The following LRMDA variants were observed in gnomAD, a reference collection of about 807,000 sequenced individuals.
LRMDA encodes leucine rich melanocyte differentiation associated, also known as leucine-rich melanocyte differentiation-associated protein.
A neutral mutation model predicts 29.8 loss-of-function variants in LRMDA; 18 were observed. That is an observed-to-expected ratio of 0.60 (90% CI 0.42 to 0.90). The LOEUF is 0.90. Among genes scored for constraint, LRMDA ranks in the 40% least tolerant of loss-of-function variants. The pLI, the probability that LRMDA is intolerant of heterozygous loss-of-function variation, is 0.00. For missense variants in LRMDA, 273 were observed against 273.9 expected (o/e 1.00, Z 0.02); for synonymous variants, 125 against 109.4 (o/e 1.14, Z -0.89).
At chr10:75,557,384 A>G (rs1840228499) in intron 2 of LRMDA, among the ~76,000 whole-genome samples, 1 of 152,044 alleles carries the variant, frequency 6.6e-6, no homozygotes, top group Non-Finnish European at 1.5e-5. Flanking sequence ...CTAAATATTA[A>G]TGGACTAAAC....
chr10:75,911,858 T>G (rs1202006543), intron 2 of LRMDA, among the ~76,000 whole-genome samples: 1 of 152,194 alleles, frequency 6.6e-6, no homozygotes. Flanking sequence ...AATAAGTCCA[T>G]GCTGTCTTCA....
intron 5 of LRMDA, among the ~76,000 whole-genome samples, chr10:76,168,317 A>T (rs139256815): frequency 1.3e-5 from 2 of 152,328 alleles, no homozygotes; most frequent in East Asian, 3.9e-4. Context: ...CCTTAGTGGA[A>T]GCCCATCTCA....
At chr10:75,492,427 A>G (rs2132061840) in intron 2 of LRMDA, among the ~76,000 whole-genome samples, 1 of 152,326 alleles carries the variant, frequency 6.6e-6, no homozygotes, top group East Asian at 1.9e-4. Flanking sequence ...CAGTATGTTA[A>G]ATGAAGTTTT....
intron 5 of LRMDA, among the ~76,000 whole-genome samples, chr10:76,108,070 A>C (rs1849517060): frequency 6.6e-6 from 1 of 152,222 alleles, no homozygotes; most frequent in Non-Finnish European, 1.5e-5. Flanking sequence ...AAATTAGGGA[A>C]GTAAGAAATT....
chr10:76,016,878 T>G (rs1455445772), intron 2 of LRMDA, among the ~76,000 whole-genome samples: 1 of 152,204 alleles, frequency 6.6e-6, no homozygotes, highest in Non-Finnish European at 1.5e-5. Flanking sequence ...CTGCTTGGGA[T>G]GTTGCCTCCT....
chr10:76,436,469 A>G (rs1842245844), intron 6 of LRMDA, among the ~76,000 whole-genome samples: 1 of 152,164 alleles, frequency 6.6e-6, no homozygotes, highest in African/African-American at 2.4e-5. Flanking sequence ...CAGGCTGTTC[A>G]TGCTGTTGCC....
intron 2 of LRMDA, among the ~76,000 whole-genome samples, chr10:75,747,315 A>G (rs1842901463): frequency 6.6e-6 from 1 of 152,218 alleles, no homozygotes; most frequent in South Asian, 2.1e-4. Context: ...GTCTTCTAAA[A>G]TAAAATACAG....
chr10:76,166,052 C>T (rs951283109), intron 5 of LRMDA, among the ~76,000 whole-genome samples: 4 of 152,090 alleles, frequency 2.6e-5, no homozygotes, highest in African/African-American at 7.2e-5. Context: ...GCATTTGTAG[C>T]GGTTAGGCAG....
intron 6 of LRMDA, among the ~76,000 whole-genome samples, chr10:76,429,770 A>G (rs61866893): frequency 0.25 from 37,983 of 152,158 alleles, 5,975 homozygotes; most frequent in Non-Finnish European, 0.36. Flanking sequence ...TAGATCAGCC[A>G]TGGGGGCCTG....
chr10:76,078,447 A>T (rs1848996793), intron 5 of LRMDA, among the ~76,000 whole-genome samples: 1 of 152,158 alleles, frequency 6.6e-6, no homozygotes, highest in Non-Finnish European at 1.5e-5. Context: ...AAGGAGGAGA[A>T]CCAAGATGAG....
chr10:75,576,505 C>A (rs1354398045), intron 2 of LRMDA, among the ~76,000 whole-genome samples: 2 of 152,248 alleles, frequency 1.3e-5, no homozygotes, highest in Non-Finnish European at 2.9e-5. Context: ...TCTCCCAGCA[C>A]AGCGTTGGAG....
intron 6 of LRMDA, among the ~76,000 whole-genome samples, chr10:76,390,655 G>A (rs1314311718): frequency 6.6e-6 from 1 of 152,058 alleles, no homozygotes; most frequent in East Asian, 1.9e-4. Context: ...TCCCATCCAG[G>A]TCTTCAAAAT....
chr10:76,301,988 C>A (rs1199794417), intron 5 of LRMDA, among the ~76,000 whole-genome samples: 1 of 152,180 alleles, frequency 6.6e-6, no homozygotes, highest in African/African-American at 2.4e-5. Flanking sequence ...TTAAAATGTT[C>A]ATGGCCTCCC....
chr10:76,137,909 G>A (rs771473272), intron 5 of LRMDA, among the ~76,000 whole-genome samples: 17 of 152,102 alleles, frequency 1.1e-4, no homozygotes, highest in Non-Finnish European at 2.2e-4. Flanking sequence ...GTTGGCTGGG[G>A]GGACTGTGAT....
intron 5 of LRMDA, among the ~76,000 whole-genome samples, chr10:76,274,804 C>T (rs1032021294): frequency 2.6e-5 from 4 of 152,174 alleles, no homozygotes; most frequent in Non-Finnish European, 5.9e-5. Context: ...CACAGGATCA[C>T]TCACTGCTTT....
At chr10:76,519,246 T>C (rs967464958) in intron 6 of LRMDA, among the ~76,000 whole-genome samples, 3 of 151,926 alleles carry the variant, frequency 2.0e-5, no homozygotes, top group Non-Finnish European at 4.4e-5. Context: ...AAATTAAAAA[T>C]CCCTAGAGTT....
At chr10:75,897,997 T>G (rs1419823390) in intron 2 of LRMDA, among the ~76,000 whole-genome samples, 4 of 152,000 alleles carry the variant, frequency 2.6e-5, no homozygotes, top group Non-Finnish European at 4.4e-5. Context: ...AATTTTTTTT[T>G]GTATTTTTAG....
intron 5 of LRMDA, among the ~76,000 whole-genome samples, chr10:76,248,428 C>G (rs1852415359): frequency 6.6e-6 from 1 of 152,174 alleles, no homozygotes; most frequent in African/African-American, 2.4e-5. Flanking sequence ...TCTTCAAGAG[C>G]AAGTTCTCTC....
At chr10:75,602,044 C>T (rs1840893689) in intron 2 of LRMDA, among the ~76,000 whole-genome samples, 1 of 152,176 alleles carries the variant, frequency 6.6e-6, no homozygotes, top group Non-Finnish European at 1.5e-5. Context: ...TTATTGTCAG[C>T]TTCCCTAAAT....
Sources: allele counts gnomAD v4.1 joint callset (sites outside exome capture counted in the v4.1 genomes callset), GRCh38; gene constraint gnomAD v4.1.1; transcripts MANE v1.5; gene names NCBI Gene and HGNC (gene_info 2026-07-23, HGNC 2026-07-21).